LRATD1: variants seen among roughly 807,000 people sequenced by gnomAD.
The protein encoded by LRATD1 is protein LRATD1.
LRATD1 carries 8 observed loss-of-function variants against 21.3 expected under a neutral mutation model. The ratio of observed to expected loss-of-function variants is 0.38; its 90% confidence interval spans 0.22 to 0.68. LRATD1 has a LOEUF of 0.68. Among genes scored for constraint, LRATD1 ranks in the 30% least tolerant of loss-of-function variants. The pLI, the probability that LRATD1 is intolerant of heterozygous loss-of-function variation, is 0.54. For synonymous variants in LRATD1, 210 were observed against 186.2 expected (o/e 1.13, Z -1.04); for missense variants, 380 against 404.0 (o/e 0.94, Z 0.51).
In LRATD1 at chr2:14,638,155, G is replaced by C. The variant is rs1382218347; in HGVS notation, c.*3297G>C. The C allele has an allele frequency of 6.2e-6, 1 of 162,168 alleles. No homozygotes were observed. The highest frequency in any genetic ancestry group is 6.8e-5 in the Admixed American group (1 of 14,714). The allele number at this position is 162,168 out of a possible 1,614,324, so 10.0% of individuals were successfully genotyped here. On this transcript the variant is annotated 3_prime_UTR_variant, in exon 2 of 2. Coordinates refer to ENST00000295092, the MANE Select transcript of LRATD1 (RefSeq NM_145175.4). ...AAAATCAAATAAAATAAGGAGGGGGGCTGGGTATACTTTAAACAAAACCAG... is the reference window on the plus strand; with the variant it reads ...AAAATCAAATAAAATAAGGAGGGGGCCTGGGTATACTTTAAACAAAACCAG...
At chr2:14,647,981 T>C (rs1671924124) in intron 4 of LRATD1, among the ~76,000 whole-genome samples, 1 of 152,186 alleles carries the variant, frequency 6.6e-6, no homozygotes, top group Admixed American at 6.5e-5. Flanking sequence ...CTCTCGTCTA[T>C]GTTCACTGCT....
At position 14,635,259 on chromosome 2, in the gene LRATD1, A is replaced by G. The variant is rs554725478; in HGVS notation, c.*401A>G. ...AACCCTCTTCTCAAAAGGGACCATC[A>G]CCGCCCCGAGCGTGCGCACACAGAC... On this transcript the variant is annotated 3_prime_UTR_variant, in exon 2 of 2. Transcript: ENST00000295092. The G allele has an allele frequency of 3.8e-4, 194 of 509,310 alleles. No individual in the cohort carries two copies. The highest frequency in any genetic ancestry group is 5.6e-4 in the South Asian group (36 of 64,862). 31.5% of individuals were successfully genotyped at this position (509,310 alleles called of 1,614,324 possible). A position where few individuals can be genotyped will look rare whatever the true frequency, so the allele number is the denominator to read the frequency against.
chr2:14,646,905 A>G (rs4670013), intron 4 of LRATD1, among the ~76,000 whole-genome samples: 74,857 of 152,138 alleles, frequency 0.49, 21,363 homozygotes, highest in African/African-American at 0.8. Flanking sequence ...CTCATGAACC[A>G]TGAACTCACT....
chr2:14,638,109 GC>G lies in LRATD1; in HGVS notation c.*3252del, dbSNP rs1671727933. On this transcript the variant is annotated 3_prime_UTR_variant, in exon 2 of 2. Coordinates refer to ENST00000295092, the MANE Select transcript of LRATD1 (RefSeq NM_145175.4). ...GTACTTTTACTTCAAAGAGTGCTTT[GC>G]TACATTTTTATTTAAACCAAAAATC... 1 of 164,950 alleles carries G rather than the reference GC, an allele frequency of 6.1e-6. No individual in the cohort carries two copies. The highest frequency in any genetic ancestry group is 2.1e-4 in the South Asian group (1 of 4,784). The allele number at this position is 164,950 out of a possible 1,614,324, so 10.2% of individuals were successfully genotyped here. A position where few individuals can be genotyped will look rare whatever the true frequency, so the allele number is the denominator to read the frequency against.
Position 14,633,064 on chromosome 2 carries a change from C to CCACCCA in LRATD1, c.-37+137_-37+142dup, listed in dbSNP as rs1243267228. On this transcript the variant is annotated intron_variant, in intron 1 of 1. Coordinates refer to ENST00000295092, the MANE Select transcript of LRATD1 (RefSeq NM_145175.4). This position sits in a 1 kb window ranked among gnomAD's most constrained non-coding sequence, Gnocchi z 7.5. ...TGAACCTCTCTACACACACACGCTC[C>CCACCCA]CACCCACACCCACACACATACACTG... 1.3e-5 allele frequency: 2 copies of CCACCCA among 152,620 alleles called. No homozygotes were observed. 9.5% of individuals were successfully genotyped at this position (152,620 alleles called of 1,614,324 possible). A position where few individuals can be genotyped will look rare whatever the true frequency, so the allele number is the denominator to read the frequency against.
At chr2:14,650,111 T>C (rs980877601), downstream of LRATD1, 2 of 152,204 alleles carry the variant, frequency 1.3e-5, no homozygotes, top group Admixed American at 6.5e-5. Context: ...CAAACAGACA[T>C]TGTATTTCCT....
downstream of LRATD1, among the ~76,000 whole-genome samples, chr2:14,651,151 C>T (rs1226263306): frequency 1.3e-5 from 2 of 151,934 alleles, no homozygotes; most frequent in South Asian, 2.1e-4. Flanking sequence ...TTTGTGTTTA[C>T]GTACTATAAA....
chr2:14,637,944 T>C lies in LRATD1; in HGVS notation c.*3086T>C, dbSNP rs1200043857. On this transcript the variant is annotated 3_prime_UTR_variant, in exon 2 of 2. Coordinates refer to ENST00000295092, the MANE Select transcript of LRATD1 (RefSeq NM_145175.4). ...GACAACAGGTTCACAGTAATTTCCA[T>C]GATGTTGGGTGTGGCTAAGCTGGGG... 6.0e-6 allele frequency: 1 copy of C among 167,028 alleles called. No homozygotes were observed. Among genetic ancestry groups the C allele is most frequent in the African/African-American group, 2.4e-5 (1 of 41,430 alleles). 10.3% of individuals were successfully genotyped at this position (167,028 alleles called of 1,614,324 possible). A position where few individuals can be genotyped will look rare whatever the true frequency, so the allele number is the denominator to read the frequency against.
rs1671608933 is a variant in LRATD1, at chr2:14,633,840, T to A, written c.-36-104T>A. ...AAAGGGTGACTCCGGTGAGGGCACGTAAGCTAGCCGGCAGGTCCCAGGGGC... is the reference window on the plus strand; with the variant it reads ...AAAGGGTGACTCCGGTGAGGGCACGAAAGCTAGCCGGCAGGTCCCAGGGGC... On this transcript the variant is annotated intron_variant, in intron 1 of 1. Coordinates refer to ENST00000295092, the MANE Select transcript of LRATD1 (RefSeq NM_145175.4). This position sits in a 1 kb window ranked among gnomAD's most constrained non-coding sequence, Gnocchi z 7.5. The A allele has an allele frequency of 6.9e-6, 8 of 1,164,574 alleles. No individual in the cohort carries two copies. The highest frequency in any genetic ancestry group is 2.4e-6 in the Non-Finnish European group (2 of 834,998). The allele number at this position is 1,164,574 out of a possible 1,614,324, so 72.1% of individuals were successfully genotyped here.
rs1247592400 is a variant in LRATD1 at position 14,637,414 on chromosome 2, C to T, written c.*2556C>T. The T allele has an allele frequency of 3.6e-5, 6 of 167,002 alleles. No individual in the cohort carries two copies. The allele number at this position is 167,002 out of a possible 1,614,324, so 10.3% of individuals were successfully genotyped here. On this transcript the variant is annotated 3_prime_UTR_variant, in exon 2 of 2. Transcript: ENST00000295092. The stretch of plus-strand genomic sequence containing the variant: ...AGAGGAATGTCTTGTCAGTTTTATA[C>T]TTGCTGAGGCTAGACTGACAATAAA...
At chr2:14,650,928 T>A (rs1180308027), downstream of LRATD1, 1 of 152,188 alleles carries the variant, frequency 6.6e-6, no homozygotes, top group Non-Finnish European at 1.5e-5. Flanking sequence ...TATGTGCATA[T>A]ACACACACTG....
rs1481258521 is a variant in LRATD1 at position 14,637,071 on chromosome 2, G to T, written c.*2213G>T. 1 of 167,086 alleles carries T rather than the reference G, an allele frequency of 6.0e-6. No homozygotes were observed. The highest frequency in any genetic ancestry group is 1.5e-5 in the Non-Finnish European group (1 of 68,122). The allele number at this position is 167,086 out of a possible 1,614,324, so 10.4% of individuals were successfully genotyped here. A position where few individuals can be genotyped will look rare whatever the true frequency, so the allele number is the denominator to read the frequency against. On this transcript the variant is annotated 3_prime_UTR_variant, in exon 2 of 2. Coordinates refer to ENST00000295092, the MANE Select transcript of LRATD1 (RefSeq NM_145175.4). ...CTTACCTTTGCATGTATGAAGAACT[G>T]AGTCATTTATTTCCCTAACTTACTC...
In LRATD1 at chr2:14,633,057, C is replaced by T. The variant is rs1671589089; in HGVS notation, c.-37+120C>T. On this transcript the variant is annotated intron_variant, in intron 1 of 1. Transcript: ENST00000295092. This position sits in a 1 kb window ranked among gnomAD's most constrained non-coding sequence, Gnocchi z 7.5. ...CTAAAAGTGAACCTCTCTACACACA[C>T]ACGCTCCCACCCACACCCACACACA... 6.6e-6 allele frequency: 1 copy of T among 152,418 alleles called. No individual in the cohort carries two copies. The highest frequency in any genetic ancestry group is 1.5e-5 in the Non-Finnish European group (1 of 68,284). 9.4% of individuals were successfully genotyped at this position (152,418 alleles called of 1,614,324 possible). A position where few individuals can be genotyped will look rare whatever the true frequency, so the allele number is the denominator to read the frequency against.
chr2:14,641,657 C>T (rs1203971655), downstream of LRATD1, among the ~76,000 whole-genome samples: 2 of 152,170 alleles, frequency 1.3e-5, no homozygotes, highest in Non-Finnish European at 2.9e-5. Flanking sequence ...TCAGCATATT[C>T]CATGGTCTGG....
At chr2:14,644,372 T>C (rs1015635580), downstream of LRATD1, among the ~76,000 whole-genome samples, 6 of 152,162 alleles carry the variant, frequency 3.9e-5, no homozygotes, top group African/African-American at 1.4e-4. Context: ...TTTTTTATTA[T>C]TAGGTAGAAA....
rs1178612192 is a variant in LRATD1 at position 14,636,689 on chromosome 2, T to A, written c.*1831T>A. 6.0e-6 allele frequency: 1 copy of A among 167,170 alleles called. No homozygotes were observed. The highest frequency in any genetic ancestry group is 1.5e-5 in the Non-Finnish European group (1 of 68,132). 10.4% of individuals were successfully genotyped at this position (167,170 alleles called of 1,614,324 possible). A position where few individuals can be genotyped will look rare whatever the true frequency, so the allele number is the denominator to read the frequency against. ...CAAATAATGCTGTTTAGCTAATTGTTGCAAGCAATTGCATATTAACAGCTG... is the reference window on the plus strand; with the variant it reads ...CAAATAATGCTGTTTAGCTAATTGTAGCAAGCAATTGCATATTAACAGCTG... On this transcript the variant is annotated 3_prime_UTR_variant, in exon 2 of 2. Coordinates refer to ENST00000295092, the MANE Select transcript of LRATD1 (RefSeq NM_145175.4).
chr2:14,639,076 C>A lies in LRATD1; in HGVS notation c.*4218C>A, dbSNP rs1238111344. 1 of 165,010 alleles carries A rather than the reference C, an allele frequency of 6.1e-6. No homozygotes were observed. The highest frequency in any genetic ancestry group is 1.5e-5 in the Non-Finnish European group (1 of 67,890). The allele number at this position is 165,010 out of a possible 1,614,324, so 10.2% of individuals were successfully genotyped here. Reference sequence around the variant, plus strand: ...TACTTGTGTACACATACATTTTTGCCTATAGCTAGCAATTATTTCATTCAG... The same window carrying A: ...TACTTGTGTACACATACATTTTTGCATATAGCTAGCAATTATTTCATTCAG... On this transcript the variant is annotated 3_prime_UTR_variant, in exon 2 of 2. Coordinates refer to ENST00000295092, the MANE Select transcript of LRATD1 (RefSeq NM_145175.4).
rs1285318591 is a variant in LRATD1, at chr2:14,638,901, G to C, written c.*4043G>C. ...CATCAAAAACTGAATTTAGAGAATG[G>C]TTATCTAACACTCAAGTCAATGTTT... On this transcript the variant is annotated 3_prime_UTR_variant, in exon 2 of 2. Transcript: ENST00000295092. The C allele has an allele frequency of 2.4e-5, 4 of 166,736 alleles. No homozygotes were observed. Among genetic ancestry groups the C allele is most frequent in the Non-Finnish European group, 5.9e-5 (4 of 68,042 alleles). The allele number at this position is 166,736 out of a possible 1,614,324, so 10.3% of individuals were successfully genotyped here. A position where few individuals can be genotyped will look rare whatever the true frequency, so the allele number is the denominator to read the frequency against.
rs1435731802 is a variant in LRATD1 at position 14,634,141 on chromosome 2, C to A, written c.162C>A (p.Gly54=). 4 of 1,614,052 alleles carry A rather than the reference C, an allele frequency of 2.5e-6. No individual in the cohort carries two copies. The South Asian group carries it at 4.4e-5, about 18-fold the overall frequency. Residue 54 remains glycine, a synonymous_variant, in exon 2 of 2, where the codon GGC becomes GGA. Coordinates refer to ENST00000295092, the MANE Select transcript of LRATD1 (RefSeq NM_145175.4). ...AACGCGGGCAGCCCGACAAGTTTGG[C>A]GTGAAGGCCCCCCCGGGTTGCACCC... The part of the protein sequence containing the change: ...LDERGQPDKF[G]VKAPPGCTPC...
Sources: gnomAD v4.1 joint callset for allele counts (sites outside exome capture counted in the v4.1 genomes callset) on GRCh38, gnomAD v4.1.1 for gene constraint, Gnocchi (gnomAD v3.1) non-coding constraint, MANE v1.5 for transcripts, NCBI Gene and HGNC (gene_info 2026-07-23, HGNC 2026-07-21) for gene names.